SLC35F4: variants seen among roughly 807,000 people sequenced by gnomAD.
The protein encoded by SLC35F4 is chromosome 14 open reading frame 36.
In SLC35F4, 24 loss-of-function variants were observed where a neutral mutation model predicts 44.2. That is an observed-to-expected ratio of 0.54 (90% CI 0.39 to 0.76). The LOEUF (loss-of-function observed/expected upper bound fraction) is 0.76. Among genes scored for constraint, SLC35F4 ranks in the 30% least tolerant of loss-of-function variants. The pLI is 0.00. For synonymous variants in SLC35F4, 238 were observed against 223.6 expected (o/e 1.06, Z -0.57); for missense variants, 562 against 586.1 (o/e 0.96, Z 0.42).
At chr14:57,832,472 A>T (rs1461463987) in intron 1 of SLC35F4, among the ~76,000 whole-genome samples, 2 of 152,202 alleles carry the variant, frequency 1.3e-5, no homozygotes, top group East Asian at 3.9e-4. Flanking sequence ...ATTATATTGT[A>T]TTTTTGTTAA....
chr14:57,696,639 TA>T (rs1354082224), intron 1 of SLC35F4, among the ~76,000 whole-genome samples: 11 of 152,284 alleles, frequency 7.2e-5, no homozygotes, highest in Non-Finnish European at 1.3e-4. Context: ...CAGCACGATT[TA>T]CAATAGCAAA....
At chr14:57,642,299 G>GA (rs113210979) in intron 1 of SLC35F4, among the ~76,000 whole-genome samples, 1,764 of 147,918 alleles carry the variant, frequency 0.012, 45 homozygotes, top group African/African-American at 0.039. Context: ...GAGCTAGTGA[G>GA]AAAAAAAAAA....
chr14:57,967,408 TACATG>T (rs1880906062), intron 1 of SLC35F4, among the ~76,000 whole-genome samples: 1 of 152,210 alleles, frequency 6.6e-6, no homozygotes, highest in South Asian at 2.1e-4. Flanking sequence ...TCCATATGGT[TACATG>T]CATGTGTCCA....
At chr14:57,819,981 A>G (rs978989654) in intron 1 of SLC35F4, among the ~76,000 whole-genome samples, 9 of 152,156 alleles carry the variant, frequency 5.9e-5, no homozygotes, top group African/African-American at 1.9e-4. Context: ...TGAAAACCCA[A>G]TACATGAGAG....
At chr14:57,778,515 C>T (rs934464397) in intron 1 of SLC35F4, among the ~76,000 whole-genome samples, 2 of 151,674 alleles carry the variant, frequency 1.3e-5, no homozygotes, top group African/African-American at 4.8e-5. Flanking sequence ...GAGTTAGACT[C>T]CCACATTAAA....
intron 1 of SLC35F4, among the ~76,000 whole-genome samples, chr14:57,880,151 TAC>T (rs773116252): frequency 4.6e-5 from 7 of 152,168 alleles, no homozygotes; most frequent in Non-Finnish European, 1.0e-4. Flanking sequence ...TCACAGTTTC[TAC>T]AGTTTCCTCA....
At chr14:57,594,214 G>A (rs1206166411) in intron 1 of SLC35F4, 90 bp from the exon 2 acceptor site, 2 of 1,271,722 alleles carry the variant, frequency 1.6e-6, no homozygotes, top group Admixed American at 4.8e-5. Context: ...TTTGGAAACA[G>A]GGTCTCACTC....
At chr14:57,644,642 G>A (rs929051123) in intron 1 of SLC35F4, among the ~76,000 whole-genome samples, 1 of 151,998 alleles carries the variant, frequency 6.6e-6, no homozygotes, top group African/African-American at 2.4e-5. Flanking sequence ...GTCAATTTTG[G>A]CTTTTGTTGC....
At chr14:57,744,972 G>A (rs915037644) in intron 1 of SLC35F4, among the ~76,000 whole-genome samples, 2 of 145,090 alleles carry the variant, frequency 1.4e-5, no homozygotes, top group African/African-American at 2.5e-5. Context: ...GACAAACCTG[G>A]CAAAAACAAG....
intron 1 of SLC35F4, among the ~76,000 whole-genome samples, chr14:57,691,518 A>G (rs1292727286): frequency 2.0e-5 from 3 of 152,216 alleles, no homozygotes; most frequent in African/African-American, 4.8e-5. Context: ...AATCAACAGA[A>G]TAACTGAAGC....
At chr14:57,962,880 A>C (rs1566517254) in intron 1 of SLC35F4, among the ~76,000 whole-genome samples, 1 of 152,180 alleles carries the variant, frequency 6.6e-6, no homozygotes, top group Non-Finnish European at 1.5e-5. Flanking sequence ...TTAAACATTT[A>C]ATGCACGTCA....
intron 1 of SLC35F4, among the ~76,000 whole-genome samples, chr14:57,977,138 C>T (rs1399375818): frequency 6.6e-6 from 1 of 152,104 alleles, no homozygotes; most frequent in Non-Finnish European, 1.5e-5. Flanking sequence ...TACTACAGTA[C>T]TTTGTAATCC....
At chr14:57,914,029 G>C (rs546186750) in intron 1 of SLC35F4, among the ~76,000 whole-genome samples, 2 of 152,330 alleles carry the variant, frequency 1.3e-5, no homozygotes, top group East Asian at 3.9e-4. Flanking sequence ...GGCTCCTAAA[G>C]AGAAGTTGGA....
chr14:57,657,726 A>C (rs750920717), intron 1 of SLC35F4, among the ~76,000 whole-genome samples: 1 of 152,200 alleles, frequency 6.6e-6, no homozygotes, highest in African/African-American at 2.4e-5. Flanking sequence ...TGGTTTACTT[A>C]GCACAGTAAT....
chr14:57,581,491 T>C (rs1368809963), intron 3 of SLC35F4, 58 bp from the exon 4 acceptor site: 1 of 1,465,140 alleles, frequency 6.8e-7, no homozygotes, highest in African/African-American at 1.4e-5. Flanking sequence ...TCTTGTCTTA[T>C]CTGACTCATC....
At chr14:57,750,316 A>G (rs1386269757) in intron 1 of SLC35F4, among the ~76,000 whole-genome samples, 3 of 152,150 alleles carry the variant, frequency 2.0e-5, no homozygotes, top group Admixed American at 6.6e-5. Context: ...GGTTGATTCC[A>G]TATCTTTGCT....
Position 57,720,979 on chromosome 14 carries a change from CATATATAT to C in SLC35F4, c.104-126863_104-126856del, listed in dbSNP as rs3062932. On this transcript the variant is annotated intron_variant, in intron 1 of 7. Transcript: ENST00000556826. Reference sequence around the variant, plus strand: ...TGATTGTGTGAGTTAATAAACTCCTCATATATATATATATATATATATATATATATATA... The same window carrying C: ...TGATTGTGTGAGTTAATAAACTCCTCATATATATATATATATATATATATA... Among the ~76,000 whole-genome samples the C allele has an allele frequency of 2.7e-3, 136 of 49,806 alleles. 1 individual carries two copies. The highest frequency in any genetic ancestry group is 4.4e-3 in the African/African-American group (67 of 15,336). The allele number at this position is 49,806 out of a possible 152,430, so 32.7% of individuals were successfully genotyped here.
chr14:57,901,669 C>A, intron 1 of SLC35F4, among the ~76,000 whole-genome samples: 1 of 151,992 alleles, frequency 6.6e-6, no homozygotes, highest in African/African-American at 2.4e-5. Flanking sequence ...TACCTCTGAA[C>A]CTAAAAGTTG....
At chr14:57,847,036 A>T (rs1364340469) in intron 1 of SLC35F4, among the ~76,000 whole-genome samples, 2 of 152,246 alleles carry the variant, frequency 1.3e-5, no homozygotes, top group African/African-American at 4.8e-5. Context: ...AATCACTGAG[A>T]AATATTTATA....
Sources: gnomAD v4.1 joint callset for allele counts (sites outside exome capture counted in the v4.1 genomes callset) on GRCh38, gnomAD v4.1.1 for gene constraint, MANE v1.5 for transcripts, NCBI Gene and HGNC (gene_info 2026-07-23, HGNC 2026-07-21) for gene names.